MAB21L3: variants seen among roughly 807,000 people sequenced by gnomAD.
MAB21L3 encodes mab-21 like 3, also known as protein mab-21-like 3.
MAB21L3 carries 36 observed loss-of-function variants against 37.7 expected under a neutral mutation model. That is an observed-to-expected ratio of 0.96 (90% CI 0.73 to 1.26). The LOEUF (loss-of-function observed/expected upper bound fraction) is 1.26, where lower values mean the gene tolerates loss of function less well. Among genes scored for constraint, MAB21L3 ranks in the 50% most tolerant of loss-of-function variants. The probability of loss-of-function intolerance (pLI) is 0.00; values close to 1 mark genes in which losing one functional copy is unlikely to be tolerated. For synonymous variants in MAB21L3, 186 were observed against 176.8 expected, an observed-to-expected ratio of 1.05 and a Z score of -0.41; for missense variants, 430 against 447.3, an observed-to-expected ratio of 0.96 and a Z score of 0.35.
chr1:116,120,541 A>G (rs924689313), intron 3 of MAB21L3, among the ~76,000 whole-genome samples: 3 of 150,590 alleles, frequency 2.0e-5, no homozygotes, highest in African/African-American at 7.3e-5. Flanking sequence ...TAATATTGAT[A>G]TTATACATTA....
Position 116,132,989 on chromosome 1 carries a change from G to A in MAB21L3, c.856-143G>A. On this transcript the variant is annotated intron_variant, in intron 7 of 7. Transcript: ENST00000369500. ...AACTGAAGGCCCACCTGAAGTTGGG[G>A]ATTGTGAATTCATGGTAGATCCAGT... 5 of 692,190 alleles carry A rather than the reference G, an allele frequency of 7.2e-6. No homozygotes were observed. In the South Asian group the frequency reaches 9.3e-5, roughly 13 times the overall value. The allele number at this position is 692,190 out of a possible 1,614,324, so 42.9% of individuals were successfully genotyped here. A position where few individuals can be genotyped will look rare whatever the true frequency, so the allele number is the denominator to read the frequency against.
intron 5 of MAB21L3, among the ~76,000 whole-genome samples, chr1:116,124,563 A>G (rs1182270951): frequency 6.6e-6 from 1 of 152,238 alleles, no homozygotes; most frequent in African/African-American, 2.4e-5. Context: ...TACTAACAAA[A>G]TAGTCTTGTG....
chr1:116,133,343 ACC>A lies in MAB21L3; in HGVS notation c.1071_1072del (p.Gln358AspfsTer21). ...CAAAAGCTGGCCACCTTCCTGAAGA[ACC>A]CCCAGATCGGCCCGCCCTGATGGTT... On this transcript the variant is annotated frameshift_variant, in exon 8 of 8. Coordinates refer to ENST00000369500, the MANE Select transcript of MAB21L3 (RefSeq NM_152367.3). LOFTEE classifies it high-confidence loss of function. The A allele has an allele frequency of 6.2e-7, 1 of 1,614,064 alleles. No homozygotes were observed. Among genetic ancestry groups the A allele is most frequent in the Non-Finnish European group, 8.5e-7 (1 of 1,179,998 alleles).
At chr1:116,117,162 CATATATATATAT>C (rs35799148) in intron 3 of MAB21L3, among the ~76,000 whole-genome samples, 7 of 114,556 alleles carry the variant, frequency 6.1e-5, no homozygotes, top group South Asian at 5.6e-4. Flanking sequence ...AATATACATA[CATATATATATAT>C]ATATATATAT....
In MAB21L3 at chr1:116,112,467, G is replaced by A; in HGVS notation, c.-149G>A. The stretch of plus-strand genomic sequence containing the variant: ...CATGAGTGAAGGGTTCGGAAGGCAA[G>A]TCTCTGGTCCATTACACACTTCCAG... On this transcript the variant is annotated 5_prime_UTR_variant, in exon 3 of 8. Transcript: ENST00000369500. 3.4e-6 allele frequency: 2 copies of A among 580,630 alleles called. No homozygotes were observed. The highest frequency in any genetic ancestry group is 1.8e-5 in the African/African-American group (1 of 54,300). 36.0% of individuals were successfully genotyped at this position (580,630 alleles called of 1,614,324 possible). A position where few individuals can be genotyped will look rare whatever the true frequency, so the allele number is the denominator to read the frequency against.
chr1:116,118,893 A>C (rs978724901), intron 3 of MAB21L3, among the ~76,000 whole-genome samples: 2 of 152,208 alleles, frequency 1.3e-5, no homozygotes, highest in African/African-American at 4.8e-5. Context: ...TCCGTTTTCT[A>C]TGTATCCATA....
chr1:116,126,515 G>A (rs1431307232), intron 5 of MAB21L3, among the ~76,000 whole-genome samples: 2 of 152,028 alleles, frequency 1.3e-5, no homozygotes, highest in Non-Finnish European at 2.9e-5. Flanking sequence ...CTGAATGGAT[G>A]GTAAAAACAA....
chr1:116,128,325 TC>T lies in MAB21L3; in HGVS notation c.844del (p.His282ThrfsTer31), dbSNP rs1373198297. On this transcript the variant is annotated frameshift_variant, in exon 7 of 8. Transcript: ENST00000369500. LOFTEE classifies it high-confidence loss of function. ...CCCAGGGAACAGGCCGGTTATCACG[TC>T]CCACCATCTGCAGGTGAGTGTGGGG... The part of the protein sequence containing the change: ...WCPGNRPVIT[S>X]HHLQTVLFWT... The T allele has an allele frequency of 6.2e-7, 1 of 1,611,934 alleles. No individual in the cohort carries two copies. The highest frequency in any genetic ancestry group is 8.5e-7 in the Non-Finnish European group (1 of 1,179,470).
At position 116,133,543 on chromosome 1, in the gene MAB21L3, GC is replaced by G; in HGVS notation, c.*181del. 1 of 631,482 alleles carries G rather than the reference GC, an allele frequency of 1.6e-6. No homozygotes were observed. The highest frequency in any genetic ancestry group is 2.9e-5 in the Admixed American group (1 of 34,570). The allele number at this position is 631,482 out of a possible 1,614,324, so 39.1% of individuals were successfully genotyped here. A position where few individuals can be genotyped will look rare whatever the true frequency, so the allele number is the denominator to read the frequency against. ...GGAAAACTGTGCCCCAGGATGTCTG[GC>G]CCAGGCCTCCCTGGAGCCCAGCAAG... On this transcript the variant is annotated 3_prime_UTR_variant, in exon 8 of 8. Coordinates refer to ENST00000369500, the MANE Select transcript of MAB21L3 (RefSeq NM_152367.3).
At chr1:116,125,990 G>A (rs948090249) in intron 5 of MAB21L3, among the ~76,000 whole-genome samples, 3 of 152,188 alleles carry the variant, frequency 2.0e-5, no homozygotes, top group African/African-American at 7.2e-5. Flanking sequence ...TTTATGAGGC[G>A]CTTTTAGTAA....
Position 116,112,562 on chromosome 1 carries a change from G to GAAAA in MAB21L3, c.-44_-41dup. ...ACTCACAAGTGTTGCACTCCATTGA[G>GAAAA]AAAAAAAAAAAAACCAGGAAGTTGC... On this transcript the variant is annotated 5_prime_UTR_variant, in exon 3 of 8. Coordinates refer to ENST00000369500, the MANE Select transcript of MAB21L3 (RefSeq NM_152367.3). The GAAAA allele has an allele frequency of 3.9e-6, 5 of 1,296,084 alleles. No individual in the cohort carries two copies. Among genetic ancestry groups the GAAAA allele is most frequent in the Middle Eastern group, 2.0e-4 (1 of 4,908 alleles). The allele number at this position is 1,296,084 out of a possible 1,614,324, so 80.3% of individuals were successfully genotyped here. A position where few individuals can be genotyped will look rare whatever the true frequency, so the allele number is the denominator to read the frequency against.
chr1:116,120,825 C>T (rs539846664), intron 3 of MAB21L3, 107 bp from the exon 4 acceptor site: 20 of 1,410,666 alleles, frequency 1.4e-5, no homozygotes, highest in Middle Eastern at 2.6e-4. Flanking sequence ...TTGAGCTGAA[C>T]TCCCTCAGTC....
chr1:116,114,494 C>T (rs745940207), intron 3 of MAB21L3, among the ~76,000 whole-genome samples: 6 of 152,182 alleles, frequency 3.9e-5, no homozygotes, highest in Non-Finnish European at 5.9e-5. Context: ...TGAGAGGGTA[C>T]TGAAGTTTCA....
chr1:116,114,631 G>A (rs1659519253), intron 3 of MAB21L3, among the ~76,000 whole-genome samples: 1 of 152,218 alleles, frequency 6.6e-6, no homozygotes, highest in East Asian at 1.9e-4. Flanking sequence ...ACCAAGGCCT[G>A]AGATGTGGCC....
chr1:116,124,317 G>A lies in MAB21L3; in HGVS notation c.441G>A (p.Arg147=), dbSNP rs1659835083. Reference sequence around the variant, plus strand: ...CTGCCAAGGTCCTCCTAGTGTTCCGGAAGCTGGTGGAAAATGCAGTTAGAA... The same window carrying A: ...CTGCCAAGGTCCTCCTAGTGTTCCGAAAGCTGGTGGAAAATGCAGTTAGAA... ...IVPAKVLLVF[R]KLVENAVRTC... is the part of the protein sequence containing the mutation. The change falls in exon 5 of 8, where the codon CGG becomes CGA. Residue 147 remains arginine, a synonymous_variant. Coordinates refer to ENST00000369500, the MANE Select transcript of MAB21L3 (RefSeq NM_152367.3). 6.2e-7 allele frequency: 1 copy of A among 1,613,866 alleles called. No homozygotes were observed. Among genetic ancestry groups the A allele is most frequent in the African/African-American group, 1.3e-5 (1 of 74,948 alleles).
rs1660227019 is a variant in MAB21L3, at chr1:116,137,959, T to C, written c.*4594T>C. ...GGACACATTAAGGGTAACATCACACTCTGGGGACTGTTGTGGGGTGGGGGG... is the reference window on the plus strand; with the variant it reads ...GGACACATTAAGGGTAACATCACACCCTGGGGACTGTTGTGGGGTGGGGGG... On this transcript the variant is annotated 3_prime_UTR_variant, in exon 8 of 8. Transcript: ENST00000369500. 8.2e-6 allele frequency among the ~76,000 whole-genome samples: 1 copy of C among 122,394 alleles called. No homozygotes were observed. Among genetic ancestry groups the C allele is most frequent in the African/African-American group, 3.2e-5 (1 of 31,242 alleles). 80.3% of individuals were successfully genotyped at this position (122,394 alleles called of 152,430 possible). A position where few individuals can be genotyped will look rare whatever the true frequency, so the allele number is the denominator to read the frequency against.
At position 116,121,516 on chromosome 1, in the gene MAB21L3, C is replaced by T. The variant is rs150725831; in HGVS notation, c.189+444C>T. Among the ~76,000 whole-genome samples the T allele has an allele frequency of 1.4e-3, 214 of 152,250 alleles. 1 individual carries two copies. Among genetic ancestry groups the T allele is most frequent in the African/African-American group, 4.9e-3 (204 of 41,548 alleles). On this transcript the variant is annotated intron_variant, in intron 4 of 7. Coordinates refer to ENST00000369500, the MANE Select transcript of MAB21L3 (RefSeq NM_152367.3). ...AGGCTTTTGATTCCAAAGCACATTC[C>T]GCTGTCACAATCAAAGCTCAGTTAA... is the stretch of plus-strand genomic sequence containing the variant.
Position 116,137,920 on chromosome 1 carries a change from C to T in MAB21L3, c.*4555C>T, listed in dbSNP as rs1660226627. 7.3e-6 allele frequency among the ~76,000 whole-genome samples: 1 copy of T among 137,416 alleles called. No individual in the cohort carries two copies. The highest frequency in any genetic ancestry group is 2.2e-4 in the East Asian group (1 of 4,622). The allele number at this position is 137,416 out of a possible 152,430, so 90.2% of individuals were successfully genotyped here. On this transcript the variant is annotated 3_prime_UTR_variant, in exon 8 of 8. Transcript: ENST00000369500. The stretch of plus-strand genomic sequence containing the variant: ...TTCTCACTCATAGGTGGGAATTGAA[C>T]AATGAGAACACATGGACACATTAAG...
At chr1:116,116,651 C>T (rs1192402788) in intron 3 of MAB21L3, among the ~76,000 whole-genome samples, 2 of 152,014 alleles carry the variant, frequency 1.3e-5, no homozygotes, top group East Asian at 1.9e-4. Flanking sequence ...ATCTAACTGC[C>T]GGTGTGATGT....
Sources: allele counts gnomAD v4.1 joint callset (sites outside exome capture counted in the v4.1 genomes callset), GRCh38; gene constraint gnomAD v4.1.1; transcripts MANE v1.5; gene names NCBI Gene and HGNC (gene_info 2026-07-23, HGNC 2026-07-21).